The following HHAT variants were observed in gnomAD, a reference collection of about 807,000 sequenced individuals.
HHAT encodes protein-cysteine N-palmitoyltransferase HHAT.
A neutral mutation model predicts 70.8 loss-of-function variants in HHAT; 47 were observed. The ratio of observed to expected loss-of-function variants is 0.66; its 90% CI spans 0.53 to 0.85. The LOEUF is 0.85. Ranked by LOEUF, HHAT falls within the 40% of genes least tolerant of loss-of-function variation. The pLI is 0.00. For missense variants in HHAT, 609 were observed against 604.8 expected (o/e 1.01, Z -0.07); for synonymous variants, 228 against 247.6 (o/e 0.92, Z 0.74).
intron 7 of HHAT, among the ~76,000 whole-genome samples, chr1:210,452,865 A>T (rs562462744): frequency 2.6e-5 from 4 of 152,332 alleles, no homozygotes; most frequent in African/African-American, 9.6e-5. Context: ...AAATAATTGA[A>T]AGTTGGTTGT....
intron 3 of HHAT, among the ~76,000 whole-genome samples, chr1:210,367,080 G>A (rs549060046): frequency 7.8e-4 from 119 of 152,346 alleles, no homozygotes; most frequent in Non-Finnish European, 1.2e-3. Context: ...CAGGCTGACC[G>A]CAAACAAATG....
intron 9 of HHAT, among the ~76,000 whole-genome samples, chr1:210,533,941 A>G (rs893189961): frequency 2.6e-5 from 4 of 152,196 alleles, no homozygotes; most frequent in African/African-American, 7.2e-5. Context: ...TTGGTGATGC[A>G]GAATACTCAC....
At chr1:210,402,636 G>T (rs867675967) in intron 5 of HHAT, among the ~76,000 whole-genome samples, 1 of 152,190 alleles carries the variant, frequency 6.6e-6, no homozygotes, top group Non-Finnish European at 1.5e-5. Context: ...GCATGTAAGT[G>T]ACCAGGTGTC....
chr1:210,644,602 CAAAAAAAAAAAAA>C, intron 11 of HHAT, among the ~76,000 whole-genome samples: 1 of 64,034 alleles, frequency 1.6e-5, no homozygotes, highest in South Asian at 5.9e-4. Flanking sequence ...GACTCCATCT[CAAAAAAAAAAAAA>C]AAAAAAAAAA....
intron 8 of HHAT, among the ~76,000 whole-genome samples, chr1:210,490,567 T>A (rs1414069754): frequency 6.6e-6 from 1 of 152,160 alleles, no homozygotes; most frequent in Non-Finnish European, 1.5e-5. Flanking sequence ...TCTGGCCAAA[T>A]CAAACACCTT....
intron 11 of HHAT, chr1:210,631,254 C>T (rs1182216218): frequency 2.6e-6 from 1 of 388,666 alleles, no homozygotes; most frequent in Non-Finnish European, 5.1e-6. Flanking sequence ...GACAGGCAAC[C>T]ACTGTTTACA....
intron 9 of HHAT, among the ~76,000 whole-genome samples, chr1:210,519,677 C>A (rs1354392359): frequency 7.6e-6 from 1 of 131,456 alleles, no homozygotes; most frequent in Non-Finnish European, 1.7e-5. Context: ...CAGGCATATA[C>A]CACCATGCCC....
chr1:210,364,896 C>T (rs1218136336), intron 3 of HHAT, among the ~76,000 whole-genome samples: 5 of 152,204 alleles, frequency 3.3e-5, no homozygotes, highest in African/African-American at 9.7e-5. Context: ...CCAAGGATTC[C>T]GTCTTTTGCC....
At chr1:210,480,295 G>A (rs982854043) in intron 8 of HHAT, among the ~76,000 whole-genome samples, 19 of 152,186 alleles carry the variant, frequency 1.2e-4, no homozygotes, top group African/African-American at 4.1e-4. Flanking sequence ...AAGCTGAGGA[G>A]TCAAAGTTGA....
Position 210,544,003 on chromosome 1 carries a change from G to A in HHAT, c.1043+30815G>A, listed in dbSNP as rs556863546. 3.9e-5 allele frequency among the ~76,000 whole-genome samples: 6 copies of A among 152,280 alleles called. No homozygotes were observed. In the East Asian group the frequency reaches 1.2e-3, roughly 29 times the overall value. Reference sequence around the variant, plus strand: ...TTGACTTTTCTGTTCTCTGCCCTTGGGTTGCAGGTGGCCTGTGAGCTGTCT... The same window carrying A: ...TTGACTTTTCTGTTCTCTGCCCTTGAGTTGCAGGTGGCCTGTGAGCTGTCT... On this transcript the variant is annotated intron_variant, in intron 9 of 11. Transcript: ENST00000261458.
intron 11 of HHAT, among the ~76,000 whole-genome samples, chr1:210,627,617 A>G (rs78351133): frequency 6.6e-6 from 1 of 152,128 alleles, no homozygotes; most frequent in Non-Finnish European, 1.5e-5. Context: ...TGGCAAACCT[A>G]GGGCTCTGGT....
intron 10 of HHAT, among the ~76,000 whole-genome samples, chr1:210,603,025 C>A (rs1664627793): frequency 6.6e-6 from 1 of 152,150 alleles, no homozygotes; most frequent in Non-Finnish European, 1.5e-5. Context: ...GGCTATCTGA[C>A]AGATAGAAGG....
At chr1:210,399,233 A>C (rs562460983) in intron 4 of HHAT, among the ~76,000 whole-genome samples, 71 of 152,224 alleles carry the variant, frequency 4.7e-4, no homozygotes, top group South Asian at 2.7e-3. Context: ...TATCCACCCC[A>C]TGAAGGAGAT....
At chr1:210,554,868 T>A (rs2095558318) in intron 9 of HHAT, among the ~76,000 whole-genome samples, 1 of 151,886 alleles carries the variant, frequency 6.6e-6, no homozygotes, top group South Asian at 2.1e-4. Flanking sequence ...ATACACAAGG[T>A]TTGTGTTTGT....
intron 9 of HHAT, among the ~76,000 whole-genome samples, chr1:210,581,063 T>C (rs1659156495): frequency 6.6e-6 from 1 of 152,206 alleles, no homozygotes; most frequent in Admixed American, 6.5e-5. Flanking sequence ...GATTTGCATT[T>C]CTCTGATGCT....
intron 6 of HHAT, among the ~76,000 whole-genome samples, chr1:210,411,743 G>A (rs553766693): frequency 6.6e-6 from 1 of 152,290 alleles, no homozygotes; most frequent in Non-Finnish European, 1.5e-5. Flanking sequence ...GACACCCTGT[G>A]TCATAAAGAA....
intron 7 of HHAT, among the ~76,000 whole-genome samples, chr1:210,437,918 C>T (rs1245288921): frequency 6.6e-6 from 1 of 151,880 alleles, no homozygotes; most frequent in Non-Finnish European, 1.5e-5. Flanking sequence ...AAATTCCACC[C>T]ACTGTGAGGC....
chr1:210,432,197 A>C (rs1476253015), intron 7 of HHAT, among the ~76,000 whole-genome samples: 1 of 151,830 alleles, frequency 6.6e-6, no homozygotes, highest in Non-Finnish European at 1.5e-5. Flanking sequence ...ACTGTTGCAC[A>C]CATGTGATAA....
intron 10 of HHAT, among the ~76,000 whole-genome samples, chr1:210,619,760 A>AT (rs11405926): frequency 0.9 from 136,646 of 152,156 alleles, 61,760 homozygotes; most frequent in South Asian, 0.96. Context: ...TGCCACTCTC[A>AT]TTTTTTGCTG....
Sources: allele counts gnomAD v4.1 joint callset (sites outside exome capture counted in the v4.1 genomes callset), GRCh38; gene constraint gnomAD v4.1.1; transcripts MANE v1.5; gene names NCBI Gene and HGNC (gene_info 2026-07-23, HGNC 2026-07-21).